RCAN2: variants seen among roughly 807,000 people sequenced by gnomAD.
The protein encoded by RCAN2 is calcipressin-2.
RCAN2 carries 9 observed loss-of-function variants against 23.6 expected under a neutral mutation model. The observed-to-expected ratio is 0.38, with a 90% CI of 0.23 to 0.67. RCAN2 has a LOEUF of 0.67. RCAN2 is among the 30% of genes least tolerant of loss of function. The probability of loss-of-function intolerance (pLI) is 0.51; values close to 1 mark genes in which losing one functional copy is unlikely to be tolerated. For synonymous variants in RCAN2, 109 were observed against 115.7 expected, an observed-to-expected ratio of 0.94 and a Z score of 0.37; for missense variants, 273 against 302.3, an observed-to-expected ratio of 0.90 and a Z score of 0.72.
chr6:46,423,629 T>G (rs2150413390), intron 2 of RCAN2, among the ~76,000 whole-genome samples: 1 of 152,356 alleles, frequency 6.6e-6, no homozygotes, highest in East Asian at 1.9e-4. Flanking sequence ...CCTGTTTCCT[T>G]ATACATTTTG....
At chr6:46,310,975 A>C (rs1763240506) in intron 2 of RCAN2, among the ~76,000 whole-genome samples, 1 of 152,222 alleles carries the variant, frequency 6.6e-6, no homozygotes, top group Non-Finnish European at 1.5e-5. Flanking sequence ...TCAATATCAA[A>C]ATTTAGAGAA....
intron 1 of RCAN2, among the ~76,000 whole-genome samples, chr6:46,467,097 T>A (rs1476379499): frequency 6.6e-6 from 1 of 152,176 alleles, no homozygotes; most frequent in Non-Finnish European, 1.5e-5. Flanking sequence ...GGACACTTAC[T>A]TTGTTTTGCC....
At chr6:46,344,963 T>C (rs1764438754) in intron 2 of RCAN2, among the ~76,000 whole-genome samples, 1 of 152,080 alleles carries the variant, frequency 6.6e-6, no homozygotes, top group Non-Finnish European at 1.5e-5. Flanking sequence ...TTTCTCTCTT[T>C]ATGTATATGC....
intron 1 of RCAN2, among the ~76,000 whole-genome samples, chr6:46,458,848 C>G (rs1406445498): frequency 2.0e-5 from 3 of 152,092 alleles, no homozygotes; most frequent in African/African-American, 7.2e-5. Context: ...AAAGCATCAT[C>G]AAAACACTAG....
rs1002857538 is a variant in RCAN2 at position 46,403,949 on chromosome 6, C to T, written c.225+52803G>A. 9.9e-5 allele frequency among the ~76,000 whole-genome samples: 15 copies of T among 152,150 alleles called. No individual in the cohort carries two copies. The South Asian group carries it at 1.2e-3, about 13-fold the overall frequency. On this transcript the variant is annotated intron_variant, in intron 2 of 4. Transcript: ENST00000371374. ...TAAGAGGTGATTTGGAGGCCAGGTG[C>T]GCTGGCTCACGCCTGTAATCCCAAC...
Position 46,248,911 on chromosome 6 carries a change from C to A in RCAN2, c.226-15G>T. 6.3e-7 allele frequency: 1 copy of A among 1,594,404 alleles called. No individual in the cohort carries two copies. Among genetic ancestry groups the A allele is most frequent in the Non-Finnish European group, 8.5e-7 (1 of 1,170,168 alleles). ...TCAAATTTTTCCTGATAAAAACAAA[C>A]ACAGAGGAAAATCCATTGGCCATGG... On this transcript the variant is annotated splice_polypyrimidine_tract_variant and intron_variant, in intron 2 of 4. Transcript: ENST00000371374.
chr6:46,298,611 G>C (rs1312803876), intron 2 of RCAN2, among the ~76,000 whole-genome samples: 1 of 152,046 alleles, frequency 6.6e-6, no homozygotes, highest in Non-Finnish European at 1.5e-5. Context: ...CAGAGTTGGA[G>C]AATCTCTATT....
At chr6:46,419,583 A>C (rs1310816236) in intron 2 of RCAN2, among the ~76,000 whole-genome samples, 1 of 152,192 alleles carries the variant, frequency 6.6e-6, no homozygotes, top group Non-Finnish European at 1.5e-5. Flanking sequence ...AAATTGTTCT[A>C]AGCAGATTAT....
At chr6:46,249,598 G>C (rs1766641272) in intron 2 of RCAN2, among the ~76,000 whole-genome samples, 1 of 152,104 alleles carries the variant, frequency 6.6e-6, no homozygotes, top group African/African-American at 2.4e-5. Flanking sequence ...GAGATTACAG[G>C]CATGAGCCAC....
At chr6:46,390,362 G>A (rs763302889) in intron 2 of RCAN2, among the ~76,000 whole-genome samples, 33 of 152,174 alleles carry the variant, frequency 2.2e-4, no homozygotes, top group Non-Finnish European at 4.4e-4. Context: ...TATACCATGT[G>A]AGCAGGGTAT....
intron 2 of RCAN2, among the ~76,000 whole-genome samples, chr6:46,324,862 C>T (rs1763739751): frequency 6.6e-6 from 1 of 152,240 alleles, no homozygotes; most frequent in South Asian, 2.1e-4. Flanking sequence ...AAAATTTAGG[C>T]AGCTGTTCTC....
At chr6:46,374,769 C>T (rs1765414193) in intron 2 of RCAN2, among the ~76,000 whole-genome samples, 1 of 151,896 alleles carries the variant, frequency 6.6e-6, no homozygotes, top group Non-Finnish European at 1.5e-5. Flanking sequence ...TGTAAGCATA[C>T]AATTTGGAAG....
intron 2 of RCAN2, among the ~76,000 whole-genome samples, chr6:46,332,985 T>C (rs1764029294): frequency 6.6e-6 from 1 of 152,238 alleles, no homozygotes; most frequent in Admixed American, 6.5e-5. Context: ...TTCCTGACTT[T>C]TTAATGATTG....
chr6:46,365,481 A>C (rs1397221402), intron 2 of RCAN2, among the ~76,000 whole-genome samples: 1 of 136,566 alleles, frequency 7.3e-6, no homozygotes, highest in Non-Finnish European at 1.6e-5. Context: ...CATCTCAAAA[A>C]AGAAAAGAAA....
At chr6:46,407,857 A>G (rs1035641343) in intron 2 of RCAN2, among the ~76,000 whole-genome samples, 6 of 152,228 alleles carry the variant, frequency 3.9e-5, no homozygotes, top group African/African-American at 1.4e-4. Context: ...AGAAAGAGTA[A>G]AAAGAAAAAG....
chr6:46,469,933 C>T (rs952206151), intron 1 of RCAN2, among the ~76,000 whole-genome samples: 2 of 152,110 alleles, frequency 1.3e-5, no homozygotes, highest in Admixed American at 6.5e-5. Context: ...AGCAATAAGG[C>T]ACCATCTTGC....
intron 4 of RCAN2, among the ~76,000 whole-genome samples, chr6:46,233,721 C>CTTTT (rs1240948992): frequency 1.5e-5 from 2 of 130,762 alleles, no homozygotes; most frequent in Non-Finnish European, 3.2e-5. Context: ...AAGAACACTT[C>CTTTT]TTTTTTTTTT....
intron 2 of RCAN2, among the ~76,000 whole-genome samples, chr6:46,442,778 C>T (rs1767589232): frequency 6.6e-6 from 1 of 152,186 alleles, no homozygotes; most frequent in East Asian, 1.9e-4. Flanking sequence ...CAATTATTTT[C>T]AGGTAGTTAA....
chr6:46,426,004 T>C (rs1767021849), intron 2 of RCAN2, among the ~76,000 whole-genome samples: 1 of 151,480 alleles, frequency 6.6e-6, no homozygotes, highest in Non-Finnish European at 1.5e-5. Flanking sequence ...GTTCAAGCGA[T>C]TCTCCTGCCT....
Sources: gnomAD v4.1 joint callset for allele counts (sites outside exome capture counted in the v4.1 genomes callset) on GRCh38, gnomAD v4.1.1 for gene constraint, MANE v1.5 for transcripts, NCBI Gene and HGNC (gene_info 2026-07-23, HGNC 2026-07-21) for gene names.